Variants in CELF2 observed in about 807,000 individuals in gnomAD.
CELF2 encodes the protein CUGBP Elav-like family member 2.
CELF2 carries 8 observed loss-of-function variants against 62.6 expected under a neutral mutation model. That is an observed-to-expected ratio of 0.13 (90% CI 0.07 to 0.23). The LOEUF is 0.23. Ranked by LOEUF, CELF2 falls within the 10% of genes least tolerant of loss-of-function variation. CELF2 has a pLI of 1.00. For synonymous variants in CELF2, 258 were observed against 250.0 expected (o/e 1.03, Z -0.30); for missense variants, 333 against 671.0 (o/e 0.50, Z 5.56).
At chr10:10,490,023 C>T in the CELF2 span, among the ~76,000 whole-genome samples, 1 of 152,022 alleles carries the variant, frequency 6.6e-6, no homozygotes, top group Non-Finnish European at 1.5e-5. Flanking sequence ...CTAACATAAA[C>T]CTTTGTTATT....
chr10:11,103,586 T>C (rs868438933), intron 1 of CELF2, among the ~76,000 whole-genome samples: 1 of 150,114 alleles, frequency 6.7e-6, no homozygotes, highest in Non-Finnish European at 1.5e-5. Context: ...ATTAGAACAG[T>C]ACCTTTCTCA....
Position 11,319,279 on chromosome 10 carries a change from CT to C in CELF2, c.1097-1909del. The stretch of plus-strand genomic sequence containing the variant: ...CCTTCCCGAGTTATTGTACATACCC[CT>C]CTCACCTATCTCAAAAAACACGGAA... On this transcript the variant is annotated intron_variant, in intron 10 of 12. Coordinates refer to ENST00000633077, the MANE Select transcript of CELF2 (RefSeq NM_001326342.2). This position sits in a 1 kb window ranked among gnomAD's most constrained non-coding sequence, Gnocchi z 4.4. 2.8e-6 allele frequency: 1 copy of C among 362,552 alleles called. No homozygotes were observed. Among genetic ancestry groups the C allele is most frequent in the Admixed American group, 3.8e-5 (1 of 26,206 alleles). 22.5% of individuals were successfully genotyped at this position (362,552 alleles called of 1,614,324 possible). A position where few individuals can be genotyped will look rare whatever the true frequency, so the allele number is the denominator to read the frequency against.
At chr10:11,006,196 C>G (rs891541719) in intron 1 of CELF2, among the ~76,000 whole-genome samples, 2 of 152,096 alleles carry the variant, frequency 1.3e-5, no homozygotes, top group African/African-American at 4.8e-5. Context: ...ACAATGGGAC[C>G]GGTTGAACAA....
At chr10:10,735,651 A>G in the CELF2 span, among the ~76,000 whole-genome samples, 6 of 152,198 alleles carry the variant, frequency 3.9e-5, no homozygotes, top group Non-Finnish European at 5.9e-5. Flanking sequence ...CATCATCCCC[A>G]TGACGTTAAA....
rs988567635 is a variant in CELF2 at position 11,220,601 on chromosome 10, T to A, written c.354+3094T>A. On this transcript the variant is annotated intron_variant, in intron 3 of 12. Transcript: ENST00000633077. The surrounding 1 kb of genome is among the most constrained non-coding windows in gnomAD (Gnocchi z 4.4). The stretch of plus-strand genomic sequence containing the variant: ...AAGACACGTTTCTCAAACTTGCCTC[T>A]TACTGGGTAACCAAAGAAGACGCTC... 6.6e-6 allele frequency among the ~76,000 whole-genome samples: 1 copy of A among 152,230 alleles called. No homozygotes were observed. Among genetic ancestry groups the A allele is most frequent in the African/African-American group, 2.4e-5 (1 of 41,454 alleles).
intron 2 of CELF2, among the ~76,000 whole-genome samples, chr10:11,215,339 C>T (rs1396846914): frequency 6.6e-6 from 1 of 152,196 alleles, no homozygotes; most frequent in East Asian, 1.9e-4. Context: ...CATCATTGTT[C>T]CTTGTCGCTT....
intron 9 of CELF2, 46 bp downstream of exon 9, chr10:11,288,598 T>C: frequency 1.2e-6 from 2 of 1,605,684 alleles, no homozygotes; most frequent in Non-Finnish European, 1.7e-6. Context: ...GCAGCAGGAG[T>C]GGCAGGTAGG....
chr10:10,721,387 C>A, the CELF2 span, among the ~76,000 whole-genome samples: 8 of 152,196 alleles, frequency 5.3e-5, no homozygotes, highest in African/African-American at 1.9e-4. Context: ...TATACCCAAC[C>A]ATCAAATATT....
intron 2 of CELF2, among the ~76,000 whole-genome samples, chr10:11,189,082 C>T (rs1408396138): frequency 1.3e-5 from 2 of 152,164 alleles, no homozygotes; most frequent in Non-Finnish European, 2.9e-5. Context: ...TGATTATTTT[C>T]TACTTCTAAA....
intron 2 of CELF2, among the ~76,000 whole-genome samples, chr10:11,176,617 A>G (rs658681): frequency 0.54 from 82,350 of 152,038 alleles, 23,861 homozygotes; most frequent in East Asian, 0.85. Context: ...TGCCTAGGAC[A>G]GCGCCTGGCA....
the CELF2 span, among the ~76,000 whole-genome samples, chr10:10,591,994 C>T: frequency 6.6e-6 from 1 of 151,954 alleles, no homozygotes; most frequent in African/African-American, 2.4e-5. Context: ...GCAGTTTCTA[C>T]ACTAAACAGT....
At chr10:10,891,304 C>A (rs1394961423) in intron 1 of CELF2, among the ~76,000 whole-genome samples, 1 of 152,042 alleles carries the variant, frequency 6.6e-6, no homozygotes, top group East Asian at 1.9e-4. Flanking sequence ...ACTAACTTAG[C>A]CTGATAGGCA....
At chr10:11,022,617 C>T (rs942980628) in intron 1 of CELF2, among the ~76,000 whole-genome samples, 7 of 151,920 alleles carry the variant, frequency 4.6e-5, no homozygotes, top group East Asian at 3.9e-4. Context: ...AGCTTTTTTA[C>T]ATAAATCCCC....
At position 11,244,931 on chromosome 10, in the gene CELF2, G is replaced by T. The variant is rs762518026; in HGVS notation, c.355-4222G>T. ...TGTCTGGTGTCTCTTCTCTGAGTTCGCACCGTACAGCTCTTACCACGTCTC... is the reference window on the plus strand; with the variant it reads ...TGTCTGGTGTCTCTTCTCTGAGTTCTCACCGTACAGCTCTTACCACGTCTC... On this transcript the variant is annotated intron_variant, in intron 3 of 12. Coordinates refer to ENST00000633077, the MANE Select transcript of CELF2 (RefSeq NM_001326342.2). This position sits in a 1 kb window ranked among gnomAD's most constrained non-coding sequence, Gnocchi z 4.2. Among the ~76,000 whole-genome samples, 3 of 152,026 alleles carry T rather than the reference G, an allele frequency of 2.0e-5. No individual in the cohort carries two copies. Among genetic ancestry groups the T allele is most frequent in the Non-Finnish European group, 4.4e-5 (3 of 67,984 alleles).
At chr10:10,806,742 A>C (rs1370101538) in intron 1 of CELF2, among the ~76,000 whole-genome samples, 1 of 152,212 alleles carries the variant, frequency 6.6e-6, no homozygotes, top group Non-Finnish European at 1.5e-5. Context: ...GGAAGGGAGA[A>C]AAAGTGAAAA....
the CELF2 span, among the ~76,000 whole-genome samples, chr10:10,780,479 GTTTGTTT>G: frequency 1.3e-5 from 2 of 151,876 alleles, no homozygotes; most frequent in East Asian, 3.9e-4. Flanking sequence ...TTGTTTGTTT[GTTTGTTT>G]GTTTGTTTGT....
chr10:10,861,276 A>G (rs1181150076), intron 1 of CELF2, among the ~76,000 whole-genome samples: 4 of 152,008 alleles, frequency 2.6e-5, no homozygotes, highest in Admixed American at 1.3e-4. Flanking sequence ...ATCTCACTGT[A>G]TTGCCCAGGC....
chr10:11,293,387 C>A (rs78126892), intron 9 of CELF2, among the ~76,000 whole-genome samples: 2 of 152,212 alleles, frequency 1.3e-5, no homozygotes, highest in Non-Finnish European at 2.9e-5. Context: ...TAACCTACTA[C>A]TTATATGAAT....
the CELF2 span, among the ~76,000 whole-genome samples, chr10:10,529,440 A>T: frequency 1.3e-5 from 2 of 152,188 alleles, no homozygotes; most frequent in Admixed American, 6.5e-5. Context: ...TAATCCCAGC[A>T]CTATGGGAGG....
Sources: allele counts gnomAD v4.1 joint callset (sites outside exome capture counted in the v4.1 genomes callset), GRCh38; gene constraint gnomAD v4.1.1; non-coding constraint Gnocchi (gnomAD v3.1); transcripts MANE v1.5; gene names NCBI Gene and HGNC (gene_info 2026-07-23, HGNC 2026-07-21).